Variants in IMMP2L observed in about 807,000 individuals in gnomAD.
The protein encoded by IMMP2L is mitochondrial inner membrane protease subunit 2.
A neutral mutation model predicts 19.3 loss-of-function variants in IMMP2L; 18 were observed. The observed-to-expected ratio is 0.93, with a 90% CI of 0.64 to 1.38. The LOEUF (loss-of-function observed/expected upper bound fraction) is 1.38. Among genes scored for constraint, IMMP2L ranks in the 40% most tolerant of loss-of-function variants. The pLI, the probability that IMMP2L is intolerant of heterozygous loss-of-function variation, is 0.00. For missense variants in IMMP2L, 233 were observed against 218.2 expected, an observed-to-expected ratio of 1.07 and a Z score of -0.43; for synonymous variants, 76 against 73.0, an observed-to-expected ratio of 1.04 and a Z score of -0.21.
At chr7:111,406,482 G>A (rs907998267) in intron 3 of IMMP2L, among the ~76,000 whole-genome samples, 16 of 152,054 alleles carry the variant, frequency 1.1e-4, no homozygotes, top group African/African-American at 3.9e-4. Context: ...TTCCATTACT[G>A]AAAACACTTC....
At chr7:111,052,146 A>C (rs2129573042) in intron 3 of IMMP2L, among the ~76,000 whole-genome samples, 1 of 152,356 alleles carries the variant, frequency 6.6e-6, no homozygotes, top group African/African-American at 2.4e-5. Context: ...ATTTTATCCC[A>C]AAATATATTT....
chr7:111,548,205 T>C (rs1849115478), intron 1 of IMMP2L, among the ~76,000 whole-genome samples: 1 of 101,798 alleles, frequency 9.8e-6, no homozygotes, highest in Admixed American at 1.2e-4. Context: ...TGACCTTCTA[T>C]GTGCTTGCTA....
intron 1 of IMMP2L, among the ~76,000 whole-genome samples, chr7:111,541,510 A>G (rs1370127783): frequency 6.6e-6 from 1 of 152,178 alleles, no homozygotes; most frequent in Non-Finnish European, 1.5e-5. Context: ...TTATTTTTAT[A>G]CTGGTCACTA....
chr7:111,124,257 T>G, intron 3 of IMMP2L: 3 of 1,614,018 alleles, frequency 1.9e-6, no homozygotes, highest in Non-Finnish European at 2.5e-6. Flanking sequence ...GTTTATATAC[T>G]TGTATAGCAA....
chr7:111,483,513 G>A (rs1487499267), intron 3 of IMMP2L: 1 of 152,072 alleles, frequency 6.6e-6, no homozygotes, highest in Non-Finnish European at 1.5e-5. Context: ...AATAAATGTA[G>A]CTACTGAATA....
chr7:110,886,344 T>C (rs1164822986), intron 5 of IMMP2L, among the ~76,000 whole-genome samples: 1 of 152,040 alleles, frequency 6.6e-6, no homozygotes, highest in African/African-American at 2.4e-5. Flanking sequence ...GCCAAAAGCA[T>C]TTTTTGGTAC....
intron 3 of IMMP2L, among the ~76,000 whole-genome samples, chr7:111,397,984 T>C (rs1380453964): frequency 6.6e-6 from 1 of 152,202 alleles, no homozygotes; most frequent in African/African-American, 2.4e-5. Context: ...AAGTATTTTA[T>C]GACTTACATT....
At chr7:110,962,997 C>T in intron 4 of IMMP2L, 2 of 1,495,974 alleles carry the variant, frequency 1.3e-6, no homozygotes, top group Non-Finnish European at 1.8e-6. Context: ...GCTGCTTAAA[C>T]ACCTGATTGT....
At chr7:111,522,110 C>T (rs951271119) in intron 1 of IMMP2L, among the ~76,000 whole-genome samples, 3 of 152,052 alleles carry the variant, frequency 2.0e-5, no homozygotes, top group Non-Finnish European at 4.4e-5. Flanking sequence ...CATGGAGGCA[C>T]CATACTGTCC....
intron 3 of IMMP2L, among the ~76,000 whole-genome samples, chr7:111,398,259 T>C (rs981117616): frequency 6.6e-6 from 1 of 152,108 alleles, no homozygotes; most frequent in Non-Finnish European, 1.5e-5. Context: ...TCCAACAACA[T>C]ATCAAAAAGA....
intron 5 of IMMP2L, among the ~76,000 whole-genome samples, chr7:110,846,758 G>A (rs1805712547): frequency 6.6e-6 from 1 of 152,046 alleles, no homozygotes; most frequent in Non-Finnish European, 1.5e-5. Flanking sequence ...AAATAAATAA[G>A]GACATAGACA....
chr7:110,955,284 G>A (rs954657586), intron 4 of IMMP2L, among the ~76,000 whole-genome samples: 1 of 151,788 alleles, frequency 6.6e-6, no homozygotes, highest in African/African-American at 2.4e-5. Flanking sequence ...TAAAGGTATA[G>A]GTTGTCTACT....
chr7:110,944,575 C>T (rs1417072026), intron 4 of IMMP2L, among the ~76,000 whole-genome samples: 1 of 151,420 alleles, frequency 6.6e-6, no homozygotes, highest in African/African-American at 2.4e-5. Context: ...AAAAATCTCC[C>T]TCATTCTCCT....
At chr7:111,531,178 A>T (rs1847360609) in intron 1 of IMMP2L, among the ~76,000 whole-genome samples, 1 of 151,850 alleles carries the variant, frequency 6.6e-6, no homozygotes, top group African/African-American at 2.4e-5. Flanking sequence ...GATGGTCTCA[A>T]TTTCCTGACC....
chr7:111,530,533 T>G (rs1409138727), intron 1 of IMMP2L, among the ~76,000 whole-genome samples: 1 of 152,132 alleles, frequency 6.6e-6, no homozygotes, highest in Non-Finnish European at 1.5e-5. Context: ...TTCAGCACTG[T>G]CTTAGGTGTC....
intron 3 of IMMP2L, among the ~76,000 whole-genome samples, chr7:111,302,193 T>A (rs1283447221): frequency 6.6e-6 from 1 of 152,086 alleles, no homozygotes; most frequent in East Asian, 1.9e-4. Context: ...TCAACTAAAA[T>A]GTTACCTCCT....
chr7:110,901,273 T>C (rs1157167973), intron 4 of IMMP2L, among the ~76,000 whole-genome samples: 1 of 152,108 alleles, frequency 6.6e-6, no homozygotes, highest in Non-Finnish European at 1.5e-5. Flanking sequence ...TTCCTAAAAC[T>C]GTGCCTGTAT....
At chr7:110,723,586 A>G (rs1412856019) in intron 5 of IMMP2L, among the ~76,000 whole-genome samples, 1 of 152,190 alleles carries the variant, frequency 6.6e-6, no homozygotes, top group South Asian at 2.1e-4. Context: ...AGTTCTAAAA[A>G]TTGATTGATG....
intron 5 of IMMP2L, among the ~76,000 whole-genome samples, chr7:110,871,796 T>C (rs989632656): frequency 1.3e-5 from 2 of 152,190 alleles, no homozygotes; most frequent in African/African-American, 4.8e-5. Context: ...AAAAACAATA[T>C]AGTTTTTTTA....
Sources: allele counts gnomAD v4.1 joint callset (sites outside exome capture counted in the v4.1 genomes callset), GRCh38; gene constraint gnomAD v4.1.1; transcripts MANE v1.5; gene names NCBI Gene and HGNC (gene_info 2026-07-23, HGNC 2026-07-21).